Variants in PTPRG observed in about 807,000 individuals in gnomAD.
PTPRG encodes receptor-type tyrosine-protein phosphatase gamma.
In PTPRG, 102 loss-of-function variants were observed where a neutral mutation model predicts 165.3. That is an observed-to-expected ratio of 0.62 (90% CI 0.53 to 0.73). The LOEUF (loss-of-function observed/expected upper bound fraction) is 0.73. Ranked by LOEUF, PTPRG falls within the 30% of genes least tolerant of loss-of-function variation. The pLI is 0.00. For missense variants in PTPRG, 1,866 were observed against 1,861.4 expected, an observed-to-expected ratio of 1.00 and a Z score of -0.05; for synonymous variants, 675 against 669.5, an observed-to-expected ratio of 1.01 and a Z score of -0.13.
At chr3:61,662,435 T>C (rs1702692704) in intron 1 of PTPRG, among the ~76,000 whole-genome samples, 1 of 152,186 alleles carries the variant, frequency 6.6e-6, no homozygotes, top group African/African-American at 2.4e-5. Flanking sequence ...AGATTAAATA[T>C]TCAGCTGACT....
intron 5 of PTPRG, among the ~76,000 whole-genome samples, chr3:62,100,198 C>T (rs1702242674): frequency 6.6e-6 from 1 of 152,084 alleles, no homozygotes; most frequent in Non-Finnish European, 1.5e-5. Context: ...CAAATAAGGT[C>T]CACAAATCAT....
chr3:61,871,031 T>G (rs1298223844), intron 2 of PTPRG, among the ~76,000 whole-genome samples: 1 of 152,074 alleles, frequency 6.6e-6, no homozygotes, highest in Non-Finnish European at 1.5e-5. Context: ...TGCCTCAGTT[T>G]CTTTTTTCTA....
At chr3:61,904,137 G>GC (rs886657301) in intron 2 of PTPRG, among the ~76,000 whole-genome samples, 6 of 152,082 alleles carry the variant, frequency 3.9e-5, no homozygotes, top group Admixed American at 3.9e-4. Flanking sequence ...CTCCTCTCTG[G>GC]CGTAACCTCA....
chr3:61,836,074 T>TAC (rs57902600), intron 2 of PTPRG, among the ~76,000 whole-genome samples: 1,194 of 30,926 alleles, frequency 0.039, 89 homozygotes, highest in East Asian at 0.35. Context: ...AAAAAAAAAA[T>TAC]ATATATATAT....
chr3:62,259,632 T>G (rs1231336024), intron 16 of PTPRG, among the ~76,000 whole-genome samples: 1 of 152,114 alleles, frequency 6.6e-6, no homozygotes, highest in East Asian at 1.9e-4. Context: ...TTTTTGAGAT[T>G]TTGGTGAAGA....
intron 2 of PTPRG, among the ~76,000 whole-genome samples, chr3:61,935,326 C>G (rs889136035): frequency 6.6e-6 from 1 of 152,178 alleles, no homozygotes; most frequent in Non-Finnish European, 1.5e-5. Flanking sequence ...CGTCCTGCTT[C>G]GTGTGCTTTT....
chr3:61,994,447 C>T (rs1338883876), intron 3 of PTPRG, among the ~76,000 whole-genome samples: 1 of 152,162 alleles, frequency 6.6e-6, no homozygotes, highest in African/African-American at 2.4e-5. Context: ...TCTTTGCCTA[C>T]ATTCTTCCCT....
intron 1 of PTPRG, among the ~76,000 whole-genome samples, chr3:61,693,420 A>G (rs1015678560): frequency 1.3e-5 from 2 of 152,176 alleles, no homozygotes; most frequent in African/African-American, 4.8e-5. Context: ...ATGCATAGGT[A>G]ATGTGTCATA....
At chr3:61,678,889 C>G (rs1354621685) in intron 1 of PTPRG, among the ~76,000 whole-genome samples, 1 of 152,102 alleles carries the variant, frequency 6.6e-6, no homozygotes. Flanking sequence ...TTTTGGGAGG[C>G]CTCCCAATGC....
intron 4 of PTPRG, among the ~76,000 whole-genome samples, chr3:62,061,496 T>C (rs1362204017): frequency 7.2e-5 from 11 of 152,290 alleles, no homozygotes; most frequent in Non-Finnish European, 2.9e-5. Flanking sequence ...CTATTTTTAT[T>C]CCAAATTACT....
At chr3:61,806,660 T>C (rs2035427348) in intron 2 of PTPRG, among the ~76,000 whole-genome samples, 1 of 152,220 alleles carries the variant, frequency 6.6e-6, no homozygotes, top group Non-Finnish European at 1.5e-5. Flanking sequence ...GTTATACCTA[T>C]TGGCAAATGA....
chr3:61,805,530 C>CAAAAAAAAA (rs58646519), intron 2 of PTPRG, among the ~76,000 whole-genome samples: 1 of 96,532 alleles, frequency 1.0e-5, no homozygotes. Context: ...ATGGGAAAGA[C>CAAAAAAAAA]AAAAAAAAAA....
At chr3:62,154,443 G>C (rs1704459500) in intron 6 of PTPRG, among the ~76,000 whole-genome samples, 1 of 152,164 alleles carries the variant, frequency 6.6e-6, no homozygotes, top group Non-Finnish European at 1.5e-5. Flanking sequence ...ATGCCCTTTT[G>C]AGTTTGCAGC....
intron 14 of PTPRG, among the ~76,000 whole-genome samples, chr3:62,241,757 A>G (rs1290461988): frequency 6.6e-6 from 1 of 152,090 alleles, no homozygotes; most frequent in East Asian, 1.9e-4. Context: ...TAATAGCCAT[A>G]ATAATTATGG....
At chr3:62,066,310 T>C (rs538624123) in intron 4 of PTPRG, among the ~76,000 whole-genome samples, 96 of 152,344 alleles carry the variant, frequency 6.3e-4, no homozygotes, top group African/African-American at 2.2e-3. Context: ...ATGGGAGACA[T>C]ATTGCTGATT....
At chr3:61,568,648 G>C (rs1699983026) in intron 1 of PTPRG, among the ~76,000 whole-genome samples, 2 of 152,026 alleles carry the variant, frequency 1.3e-5, no homozygotes, top group Non-Finnish European at 2.9e-5. Flanking sequence ...GGTGGCTCAT[G>C]CCTGTAATTC....
At chr3:61,797,087 C>T (rs2035071599) in intron 2 of PTPRG, among the ~76,000 whole-genome samples, 1 of 152,194 alleles carries the variant, frequency 6.6e-6, no homozygotes, top group Non-Finnish European at 1.5e-5. Flanking sequence ...CCAGCCGGCA[C>T]AGAAATGTTC....
intron 4 of PTPRG, among the ~76,000 whole-genome samples, chr3:62,032,537 ATT>A (rs112342562): frequency 6.7e-6 from 1 of 148,174 alleles, no homozygotes; most frequent in Non-Finnish European, 1.5e-5. Context: ...GAGCATTCCC[ATT>A]TTTTTTTTTA....
intron 1 of PTPRG, among the ~76,000 whole-genome samples, chr3:61,699,037 G>A (rs1346159582): frequency 2.0e-5 from 3 of 151,902 alleles, no homozygotes; most frequent in Non-Finnish European, 4.4e-5. Flanking sequence ...GGGGGAGCGG[G>A]GAGGGATAGC....
Sources: allele counts gnomAD v4.1 joint callset (sites outside exome capture counted in the v4.1 genomes callset), GRCh38; gene constraint gnomAD v4.1.1; transcripts MANE v1.5; gene names NCBI Gene and HGNC (gene_info 2026-07-23, HGNC 2026-07-21).